The following BICD1 variants were observed in gnomAD, a reference collection of about 807,000 sequenced individuals.
The protein encoded by BICD1 is protein bicaudal D homolog 1.
BICD1 carries 35 observed loss-of-function variants against 92.5 expected under a neutral mutation model. The observed-to-expected ratio is 0.38, with a 90% CI of 0.29 to 0.50. The LOEUF is 0.50. Among genes scored for constraint, BICD1 ranks in the 20% least tolerant of loss-of-function variants. BICD1 has a pLI of 0.93. For missense variants in BICD1, 950 were observed against 1,189.8 expected, an observed-to-expected ratio of 0.80 and a Z score of 2.97; for synonymous variants, 429 against 465.1, an observed-to-expected ratio of 0.92 and a Z score of 1.00.
intron 2 of BICD1, among the ~76,000 whole-genome samples, chr12:32,271,355 G>A (rs1241503834): frequency 6.6e-6 from 1 of 152,124 alleles, no homozygotes; most frequent in Non-Finnish European, 1.5e-5. Context: ...GTCTATTTGG[G>A]GCTTCTGAAA....
At chr12:32,283,924 A>G (rs1282506904) in intron 2 of BICD1, among the ~76,000 whole-genome samples, 2 of 152,204 alleles carry the variant, frequency 1.3e-5, no homozygotes, top group South Asian at 2.1e-4. Flanking sequence ...GCTTGTCCCA[A>G]GGTATGGAGA....
chr12:32,331,700 A>T (rs1463623384), intron 5 of BICD1, among the ~76,000 whole-genome samples: 1 of 152,064 alleles, frequency 6.6e-6, no homozygotes, highest in Non-Finnish European at 1.5e-5. Context: ...TCATGTCAGC[A>T]CTCAAAAGGT....
At chr12:32,193,028 C>T (rs1424026302) in intron 1 of BICD1, among the ~76,000 whole-genome samples, 2 of 152,318 alleles carry the variant, frequency 1.3e-5, no homozygotes, top group East Asian at 1.9e-4. Flanking sequence ...TAGAATATTT[C>T]ACAAACTTAG....
At chr12:32,370,029 G>C (rs1172144871) in intron 9 of BICD1, among the ~76,000 whole-genome samples, 4 of 152,146 alleles carry the variant, frequency 2.6e-5, no homozygotes, top group Non-Finnish European at 4.4e-5. Context: ...TTTAAGAAAG[G>C]TTTTTCGCTA....
intron 2 of BICD1, among the ~76,000 whole-genome samples, chr12:32,259,486 G>A (rs893863153): frequency 6.6e-6 from 1 of 152,210 alleles, no homozygotes; most frequent in Admixed American, 6.5e-5. Context: ...TTAAGGCAAG[G>A]TTTAACTCTT....
chr12:32,373,877 C>T lies in BICD1; in HGVS notation c.2841-3663C>T, dbSNP rs1481235831. 3.3e-5 allele frequency among the ~76,000 whole-genome samples: 4 copies of T among 121,926 alleles called. No individual in the cohort carries two copies. In the East Asian group the frequency reaches 9.6e-4, roughly 29 times the overall value. 80.0% of individuals were successfully genotyped at this position (121,926 alleles called of 152,430 possible). A position where few individuals can be genotyped will look rare whatever the true frequency, so the allele number is the denominator to read the frequency against. On this transcript the variant is annotated intron_variant, in intron 9 of 9. Coordinates refer to ENST00000652176, the MANE Select transcript of BICD1 (RefSeq NM_001714.4). The stretch of plus-strand genomic sequence containing the variant: ...GCTGGGCGACAGTTTGAGACTGTCT[C>T]AAAAAAAAAAAAAAGTATTGGATTA...
chr12:32,328,341 A>G lies in BICD1; in HGVS notation c.1886A>G (p.Asn629Ser). The stretch of plus-strand genomic sequence containing the variant: ...GAGCCAATGAATATCTACAACCTTA[A>G]TGCCATAATCCGGGACCAAATCAAG... ...RKEPMNIYNLNAIIRDQIKHL... is the reference protein window; with the variant it reads ...RKEPMNIYNLSAIIRDQIKHL... Residue 629 changes from asparagine to serine, a missense_variant, in exon 5 of 10, where the codon AAT becomes AGT. Coordinates refer to ENST00000652176, the MANE Select transcript of BICD1 (RefSeq NM_001714.4). The surrounding 1 kb of genome is among the most constrained non-coding windows in gnomAD (Gnocchi z 4.4). 1 of 1,614,224 alleles carries G rather than the reference A, an allele frequency of 6.2e-7. No homozygotes were observed. The highest frequency in any genetic ancestry group is 2.2e-5 in the East Asian group (1 of 44,882).
intron 5 of BICD1, among the ~76,000 whole-genome samples, chr12:32,329,097 T>C (rs893381661): frequency 1.8e-4 from 26 of 141,458 alleles, no homozygotes; most frequent in African/African-American, 6.1e-4. Flanking sequence ...AAAATTATTA[T>C]TATTATTATT....
At chr12:32,270,474 TTAAG>T (rs1947109771) in intron 2 of BICD1, among the ~76,000 whole-genome samples, 1 of 152,172 alleles carries the variant, frequency 6.6e-6, no homozygotes, top group African/African-American at 2.4e-5. Context: ...GTGGAACTGA[TTAAG>T]TGAGGTACCA....
At position 32,328,004 on chromosome 12, in the gene BICD1, C is replaced by A; in HGVS notation, c.1549C>A (p.Gln517Lys). ...AGTGACATTCAGTGAGGAGTTAGCTCAGCTTTACCACCATGTGTGTCTATG... is the reference window on the plus strand; with the variant it reads ...AGTGACATTCAGTGAGGAGTTAGCTAAGCTTTACCACCATGTGTGTCTATG... ...ELVTFSEELAQLYHHVCLCNN... is the reference protein window; with the variant it reads ...ELVTFSEELAKLYHHVCLCNN... The change falls in exon 5 of 10, where the codon CAG becomes AAG. Residue 517 changes from glutamine (Q) to lysine (K), a missense_variant. Around this residue, in one of 5 missense-constraint regions of BICD1, gnomAD observed 309 missense variants for 499.4 expected, o/e 0.62. Transcript: ENST00000652176. This position sits in a 1 kb window ranked among gnomAD's most constrained non-coding sequence, Gnocchi z 4.4. 6.2e-7 allele frequency: 1 copy of A among 1,614,126 alleles called. No homozygotes were observed. Among genetic ancestry groups the A allele is most frequent in the South Asian group, 1.1e-5 (1 of 91,068 alleles).
intron 1 of BICD1, among the ~76,000 whole-genome samples, chr12:32,164,264 G>C (rs1441565086): frequency 6.6e-6 from 1 of 152,170 alleles, no homozygotes; most frequent in Non-Finnish European, 1.5e-5. Flanking sequence ...ATAATGTATA[G>C]AATGTATCTT....
intron 4 of BICD1, among the ~76,000 whole-genome samples, chr12:32,306,838 A>G (rs1043662942): frequency 1.3e-5 from 2 of 151,650 alleles, no homozygotes; most frequent in African/African-American, 2.4e-5. Flanking sequence ...AACATGGTAA[A>G]ACCCCATCGC....
chr12:32,216,586 C>A, intron 2 of BICD1, 127 bp downstream of exon 2: 1 of 916,024 alleles, frequency 1.1e-6, no homozygotes, highest in Non-Finnish European at 1.6e-6. Flanking sequence ...ACTACTAATA[C>A]TGAGCTAGCA....
intron 8 of BICD1, chr12:32,340,513 G>T (rs954736726): frequency 3.1e-6 from 3 of 968,104 alleles, no homozygotes; most frequent in East Asian, 1.1e-4. Flanking sequence ...ACTTAGAAAA[G>T]AAATTGGTAT....
intron 2 of BICD1, among the ~76,000 whole-genome samples, chr12:32,271,533 A>G (rs1211812104): frequency 6.6e-6 from 1 of 152,124 alleles, no homozygotes; most frequent in Admixed American, 6.5e-5. Context: ...TACATCCTTA[A>G]TGTGGAATGT....
At chr12:32,338,638 TA>T (rs5797471) in intron 7 of BICD1, 147 bp from the exon 8 acceptor site, 102,039 of 545,520 alleles carry the variant, frequency 0.19, no homozygotes, top group East Asian at 0.24. Context: ...ATGTGGAAAC[TA>T]AAAAAAAAAA....
intron 1 of BICD1, among the ~76,000 whole-genome samples, chr12:32,165,236 C>T (rs1943717850): frequency 6.6e-6 from 1 of 152,156 alleles, no homozygotes; most frequent in Non-Finnish European, 1.5e-5. Flanking sequence ...TTTGAGTTGG[C>T]CGGGCGCGGT....
intron 2 of BICD1, among the ~76,000 whole-genome samples, chr12:32,222,716 G>C (rs137974574): frequency 1.3e-3 from 201 of 152,270 alleles, no homozygotes; most frequent in Non-Finnish European, 2.6e-3. Flanking sequence ...TTAAGAAGTC[G>C]GGCCCTTAGG....
At chr12:32,239,970 C>G (rs560449944) in intron 2 of BICD1, among the ~76,000 whole-genome samples, 2 of 152,222 alleles carry the variant, frequency 1.3e-5, no homozygotes, top group East Asian at 3.9e-4. Context: ...ACTTAAGAGA[C>G]TACAGTATAG....
Sources: gnomAD v4.1 joint callset for allele counts (sites outside exome capture counted in the v4.1 genomes callset) on GRCh38, gnomAD v4.1.1 for gene constraint, gnomAD v4.1.1 regional missense constraint, Gnocchi (gnomAD v3.1) non-coding constraint, MANE v1.5 for transcripts, NCBI Gene and HGNC (gene_info 2026-07-23, HGNC 2026-07-21) for gene names.